The following PPP3CC variants were observed in gnomAD, a reference collection of about 807,000 sequenced individuals.
PPP3CC encodes protein phosphatase 3 catalytic subunit gamma.
A neutral mutation model predicts 60.3 loss-of-function variants in PPP3CC; 35 were observed. The observed-to-expected ratio is 0.58, with a 90% confidence interval of 0.44 to 0.77. The LOEUF is 0.77. PPP3CC is among the 30% of genes least tolerant of loss of function. The probability of loss-of-function intolerance (pLI) is 0.00; values close to 1 mark genes in which losing one functional copy is unlikely to be tolerated. For synonymous variants in PPP3CC, 206 were observed against 224.3 expected, an observed-to-expected ratio of 0.92 and a Z score of 0.73; for missense variants, 570 against 628.9, an observed-to-expected ratio of 0.91 and a Z score of 1.00.
At chr8:22,465,329 A>G (rs11989175) in intron 1 of PPP3CC, among the ~76,000 whole-genome samples, 2,456 of 152,246 alleles carry the variant, frequency 0.016, 62 homozygotes, top group African/African-American at 0.056. Context: ...CCCAGAAAGC[A>G]TATGTTGGCT....
chr8:22,529,439 G>A (rs944566743), intron 10 of PPP3CC, among the ~76,000 whole-genome samples: 1 of 152,038 alleles, frequency 6.6e-6, no homozygotes, highest in African/African-American at 2.4e-5. Flanking sequence ...TTTTTCTTGT[G>A]TTTGTTGGCA....
chr8:22,471,205 C>A lies in PPP3CC; in HGVS notation c.50-3749C>A, dbSNP rs183714617. 6.6e-5 allele frequency among the ~76,000 whole-genome samples: 10 copies of A among 152,008 alleles called. 1 individual carries two copies. Among genetic ancestry groups the A allele is most frequent in the African/African-American group, 2.2e-4 (9 of 41,474 alleles). ...AAGAAAGAGCTTGTTGCACAGATGG[C>A]CCAAAGCACAAATTATTAAAATGCT... On this transcript the variant is annotated intron_variant, in intron 1 of 13. Transcript: ENST00000240139.
In PPP3CC at chr8:22,511,181, G is replaced by T. The variant is rs1328612960; in HGVS notation, c.580G>T (p.Val194Leu). The T allele has an allele frequency of 6.2e-7, 1 of 1,613,792 alleles. No individual in the cohort carries two copies. Among genetic ancestry groups the T allele is most frequent in the Non-Finnish European group, 8.5e-7 (1 of 1,179,700 alleles). The change falls in exon 5 of 14, where the codon GTA becomes TTA. Residue 194 changes from valine (V) to leucine (L), a missense_variant. Transcript: ENST00000240139. ...CCTCTTAAACCAGCAGTTTCTCTGT[G>T]TACATGGAGGAATGTCACCTGAAAT... ...AALLNQQFLC[V>L]HGGMSPEITS...
chr8:22,498,971 A>G (rs1838677702), intron 4 of PPP3CC, among the ~76,000 whole-genome samples: 1 of 151,894 alleles, frequency 6.6e-6, no homozygotes, highest in South Asian at 2.1e-4. Context: ...TCAAAATACA[A>G]AAATTAGCCG....
intron 6 of PPP3CC, among the ~76,000 whole-genome samples, chr8:22,517,667 G>C (rs576468446): frequency 6.6e-6 from 1 of 152,044 alleles, no homozygotes; most frequent in African/African-American, 2.4e-5. Flanking sequence ...GTAATAGTCC[G>C]TTATGATCCC....
At chr8:22,449,219 C>A (rs759564015) in intron 1 of PPP3CC, among the ~76,000 whole-genome samples, 2 of 152,144 alleles carry the variant, frequency 1.3e-5, no homozygotes, top group Non-Finnish European at 2.9e-5. Context: ...GAGGCCAAGG[C>A]GGCTGGATCA....
intron 1 of PPP3CC, among the ~76,000 whole-genome samples, chr8:22,466,533 G>A (rs1386247963): frequency 6.6e-6 from 1 of 152,130 alleles, no homozygotes. Context: ...GGTGTGAGAT[G>A]GTATCTTATT....
At chr8:22,477,773 G>A (rs1427934725) in intron 3 of PPP3CC, among the ~76,000 whole-genome samples, 2 of 151,996 alleles carry the variant, frequency 1.3e-5, no homozygotes, top group Admixed American at 6.5e-5. Flanking sequence ...TGAGTATATG[G>A]AACTATAGAT....
chr8:22,522,138 C>T (rs57711706), intron 6 of PPP3CC, among the ~76,000 whole-genome samples: 1,505 of 109,328 alleles, frequency 0.014, 35 homozygotes, highest in East Asian at 0.13. Flanking sequence ...TACACACACA[C>T]GCACACACAC....
intron 1 of PPP3CC, among the ~76,000 whole-genome samples, chr8:22,468,993 A>G (rs1837631443): frequency 6.6e-6 from 1 of 152,230 alleles, no homozygotes; most frequent in African/African-American, 2.4e-5. Flanking sequence ...CTGATCCAGC[A>G]ATCGCACTAC....
At chr8:22,462,209 C>A (rs1410895995) in intron 1 of PPP3CC, among the ~76,000 whole-genome samples, 1 of 152,076 alleles carries the variant, frequency 6.6e-6, no homozygotes, top group African/African-American at 2.4e-5. Context: ...TGCCACTGCA[C>A]CCCAGCCTGG....
intron 1 of PPP3CC, 126 bp from the exon 2 acceptor site, chr8:22,474,828 G>C (rs1020308438): frequency 1.9e-6 from 1 of 530,222 alleles, no homozygotes; most frequent in Admixed American, 3.9e-5. Context: ...TTTTCCCCAC[G>C]TACTGGTGCT....
intron 1 of PPP3CC, among the ~76,000 whole-genome samples, chr8:22,453,177 A>T (rs1837086961): frequency 6.6e-6 from 1 of 152,228 alleles, no homozygotes; most frequent in Admixed American, 6.5e-5. Context: ...CTCATATTGT[A>T]TGTAAAGTGC....
chr8:22,530,508 A>AAAATAAATAAATAAATAAAT (rs754526584), intron 10 of PPP3CC, among the ~76,000 whole-genome samples: 25 of 122,350 alleles, frequency 2.0e-4, no homozygotes, highest in African/African-American at 7.5e-4. Flanking sequence ...CACAAACATA[A>AAAATAAATAAATAAATAAAT]AAATAAATAA....
intron 3 of PPP3CC, among the ~76,000 whole-genome samples, chr8:22,481,107 G>C (rs532858076): frequency 1.3e-5 from 2 of 152,252 alleles, no homozygotes; most frequent in South Asian, 4.2e-4. Flanking sequence ...GCCGAGGCAG[G>C]TGGATCACCT....
intron 12 of PPP3CC, among the ~76,000 whole-genome samples, chr8:22,534,627 G>A (rs115930641): frequency 6.6e-6 from 1 of 152,170 alleles, no homozygotes; most frequent in African/African-American, 2.4e-5. Context: ...TTCACCAAAG[G>A]TTATGCATGG....
chr8:22,525,090 G>A (rs116663662), intron 8 of PPP3CC, among the ~76,000 whole-genome samples: 102 of 152,244 alleles, frequency 6.7e-4, no homozygotes, highest in African/African-American at 2.4e-3. Flanking sequence ...GTTCGAGGCT[G>A]CAGTGAGCTG....
intron 3 of PPP3CC, among the ~76,000 whole-genome samples, chr8:22,490,812 C>T (rs1009282034): frequency 3.3e-5 from 5 of 152,084 alleles, no homozygotes; most frequent in Non-Finnish European, 4.4e-5. Flanking sequence ...TGTAGTATTC[C>T]ATGGTGTATA....
chr8:22,454,167 T>C (rs1048804657), intron 1 of PPP3CC, among the ~76,000 whole-genome samples: 1 of 152,238 alleles, frequency 6.6e-6, no homozygotes, highest in African/African-American at 2.4e-5. Flanking sequence ...TGTACATATT[T>C]TCTTTCATAT....
Sources: gnomAD v4.1 joint callset for allele counts (sites outside exome capture counted in the v4.1 genomes callset) on GRCh38, gnomAD v4.1.1 for gene constraint, MANE v1.5 for transcripts, NCBI Gene and HGNC (gene_info 2026-07-23, HGNC 2026-07-21) for gene names.